SH3D21: variants seen among roughly 807,000 people sequenced by gnomAD.
The protein encoded by SH3D21 is SH3 domain-containing protein 21.
In SH3D21, 83 loss-of-function variants were observed where a neutral mutation model predicts 82.1. The ratio of observed to expected loss-of-function variants is 1.01; its 90% CI spans 0.85 to 1.21. SH3D21 has a LOEUF of 1.21. Among genes scored for constraint, SH3D21 ranks in the 50% most tolerant of loss-of-function variants. SH3D21 has a pLI of 0.00. For missense variants in SH3D21, 980 were observed against 962.1 expected (o/e 1.02, Z -0.25); for synonymous variants, 383 against 387.8 (o/e 0.99, Z 0.15).
At chr1:36,321,757 A>C, downstream of SH3D21, 1 of 1,002,518 alleles carries the variant, frequency 1.0e-6, no homozygotes, top group Non-Finnish European at 1.2e-6. The surrounding 1 kb of genome is among the most constrained non-coding windows in gnomAD (Gnocchi z 6.1). Context: ...GGACAGGGCG[A>C]CGTGTGTCCA....
rs768240624 is a variant in SH3D21, at chr1:36,319,082, G to C, written c.781G>C (p.Glu261Gln). 4.5e-6 allele frequency: 7 copies of C among 1,548,728 alleles called. No individual in the cohort carries two copies. Among genetic ancestry groups the C allele is most frequent in the South Asian group, 1.2e-5 (1 of 83,986 alleles). The part of the protein sequence containing the change: ...VVSRESAPIK[E>Q]PKKLMPKTSL... ...TCCTCTCTTCCCAGCTCCTATTAAG[G>C]AACCAAAAAAGTTGATGCCCAAAAC... Residue 261 changes from glutamate to glutamine, a missense_variant, in exon 11 of 16, where the codon GAA becomes CAA. Physicochemically the swap from Glu to Gln is conservative, Grantham distance 29. Transcript: ENST00000453908.
chr1:36,317,924 C>T (rs1646372042), intron 10 of SH3D21, among the ~76,000 whole-genome samples: 1 of 152,162 alleles, frequency 6.6e-6, no homozygotes, highest in South Asian at 2.1e-4. Context: ...GTATTTTACT[C>T]CTTGTATTTA....
In SH3D21 at chr1:36,307,117, C is replaced by T. The variant is rs1407735566; in HGVS notation, c.227-50C>T. On this transcript the variant is annotated intron_variant, in intron 3 of 15. Transcript: ENST00000453908. The surrounding 1 kb of genome is among the most constrained non-coding windows in gnomAD (Gnocchi z 5.4). ...GCGCGCCTTGCGCTTCCCCCAGCTC[C>T]TCTGACTGGGGCGTCCGACTGGAGC... The T allele has an allele frequency of 3.2e-6, 5 of 1,548,702 alleles. No homozygotes were observed. In the Admixed American group the frequency reaches 5.9e-5, roughly 18 times the overall value.
At chr1:36,313,967 A>ATTTTTTTTTTTTTTT (rs1207014644) in intron 10 of SH3D21, among the ~76,000 whole-genome samples, 12 of 36,876 alleles carry the variant, frequency 3.3e-4, no homozygotes, top group Non-Finnish European at 4.4e-4. Context: ...TGCTGAACAT[A>ATTTTTTTTTTTTTTT]TTTTCTTTTT....
At chr1:36,314,848 A>G (rs1023728811) in intron 10 of SH3D21, among the ~76,000 whole-genome samples, 6 of 152,182 alleles carry the variant, frequency 3.9e-5, no homozygotes, top group East Asian at 1.9e-4. Context: ...ACCAATGTCA[A>G]ATCCCAAGAT....
downstream of SH3D21, chr1:36,324,048 C>G (rs527957597): frequency 6.6e-6 from 1 of 152,276 alleles, no homozygotes; most frequent in Non-Finnish European, 1.5e-5. Flanking sequence ...CACCGCTCCC[C>G]CTCCTAGGAG....
At chr1:36,323,858 C>A (rs1037486070), downstream of SH3D21, 1 of 152,240 alleles carries the variant, frequency 6.6e-6, no homozygotes, top group Non-Finnish European at 1.5e-5. Flanking sequence ...GCGTGCGGGC[C>A]AAGGGCTAAA....
downstream of SH3D21, chr1:36,324,761 C>A (rs1039484809): frequency 1.1e-4 from 17 of 152,170 alleles, no homozygotes; most frequent in African/African-American, 4.1e-4. Context: ...TTAGTGTGTT[C>A]TGTGAATGTG....
At chr1:36,316,937 A>G (rs1016448543) in intron 10 of SH3D21, among the ~76,000 whole-genome samples, 1 of 152,008 alleles carries the variant, frequency 6.6e-6, no homozygotes, top group Non-Finnish European at 1.5e-5. Context: ...AGCCACTGGG[A>G]GTGCTGGGAT....
intron 7 of SH3D21, 64 bp downstream of exon 7, chr1:36,308,027 C>T (rs1646164213): frequency 6.5e-7 from 1 of 1,549,776 alleles, no homozygotes; most frequent in East Asian, 2.4e-5. Context: ...ACTTGGTGGG[C>T]CAGCTAGGCT....
Position 36,321,166 on chromosome 1 carries a change from G to T in SH3D21, c.*39G>T. ...AAGGGACCGCGGCCTGACCTGGCTGGGGCCACCCACGTCCTTGCACACGAC... is the reference window on the plus strand; with the variant it reads ...AAGGGACCGCGGCCTGACCTGGCTGTGGCCACCCACGTCCTTGCACACGAC... On this transcript the variant is annotated 3_prime_UTR_variant, in exon 16 of 16. Transcript: ENST00000453908. This position sits in a 1 kb window ranked among gnomAD's most constrained non-coding sequence, Gnocchi z 6.1. 6.3e-7 allele frequency: 1 copy of T among 1,598,372 alleles called. No homozygotes were observed. The highest frequency in any genetic ancestry group is 2.3e-5 in the East Asian group (1 of 44,266).
At chr1:36,326,934 G>A (rs561712605), downstream of SH3D21, among the ~76,000 whole-genome samples, 7 of 152,324 alleles carry the variant, frequency 4.6e-5, no homozygotes, top group African/African-American at 1.4e-4. Flanking sequence ...AGGTGCAGGT[G>A]TTGGCAATGC....
chr1:36,308,045 G>C lies in SH3D21; in HGVS notation c.539-64G>C, dbSNP rs1646164474. On this transcript the variant is annotated intron_variant, in intron 7 of 15. Coordinates refer to ENST00000453908, the MANE Select transcript of SH3D21 (RefSeq NM_001162530.2). ...TGGTGGGCCAGCTAGGCTGATGGAG[G>C]TGGGGGCTGCTGATGGATGGGGGAG... 1.9e-6 allele frequency: 3 copies of C among 1,548,998 alleles called. 1 individual carries two copies. Among genetic ancestry groups the C allele is most frequent in the South Asian group, 2.4e-5 (2 of 83,992 alleles).
At position 36,308,455 on chromosome 1, in the gene SH3D21, T is replaced by C. The variant is rs1394517547; in HGVS notation, c.706T>C (p.Phe236Leu). ...ACGAAGAGGAGTTTTTCCAGACAAC[T>C]TTGTACTCCCACCACCCCCAGTGAG... The part of the protein sequence containing the change: ...QGRRGVFPDN[F>L]VLPPPPIKKL... The change falls in exon 9 of 16, where the codon TTT becomes CTT. Residue 236 changes from phenylalanine to leucine, a missense_variant. Phe to Leu is a conservative substitution (Grantham distance 22). Coordinates refer to ENST00000453908, the MANE Select transcript of SH3D21 (RefSeq NM_001162530.2). The C allele has an allele frequency of 6.4e-7, 1 of 1,551,550 alleles. No homozygotes were observed. The highest frequency in any genetic ancestry group is 2.0e-5 in the Admixed American group (1 of 50,964).
intron 10 of SH3D21, 115 bp from the exon 11 acceptor site, chr1:36,318,956 G>A (rs893439797): frequency 3.9e-6 from 2 of 512,776 alleles, no homozygotes; most frequent in African/African-American, 2.0e-5. Flanking sequence ...AATTAGCCGG[G>A]TGCAGTGGCG....
At chr1:36,323,012 T>TC, downstream of SH3D21, 1 of 1,599,378 alleles carries the variant, frequency 6.3e-7, no homozygotes, top group Non-Finnish European at 8.5e-7. Context: ...GCTGAGCAAC[T>TC]CCATGTCCCT....
Position 36,319,993 on chromosome 1 carries a change from C to T in SH3D21, c.1330C>T (p.Pro444Ser). 1.2e-6 allele frequency: 2 copies of T among 1,614,108 alleles called. No homozygotes were observed. Among genetic ancestry groups the T allele is most frequent in the South Asian group, 1.1e-5 (1 of 91,076 alleles). The change falls in exon 14 of 16, where the codon CCC becomes TCC. Residue 444 changes from proline (P) to serine (S), a missense_variant. By Grantham distance (74) the Pro-to-Ser change is moderately conservative (BLOSUM62 -1). Coordinates refer to ENST00000453908, the MANE Select transcript of SH3D21 (RefSeq NM_001162530.2). The stretch of plus-strand genomic sequence containing the variant: ...AGAGGAGACCCTGACTGTGGACAAA[C>T]CCTCCACTCCAGAGAGGGTCTTTTC... Reference protein sequence around the residue: ...IPEETLTVDKPSTPERVFSVE... With the variant: ...IPEETLTVDKSSTPERVFSVE...
chr1:36,321,474 T>C, downstream of SH3D21: 1 of 952,764 alleles, frequency 1.0e-6, no homozygotes, highest in Non-Finnish European at 1.3e-6. This position sits in a 1 kb window ranked among gnomAD's most constrained non-coding sequence, Gnocchi z 6.1. Flanking sequence ...GTCGGGCTCT[T>C]GACGCCCGGC....
In SH3D21 at chr1:36,319,761, A is replaced by G; in HGVS notation, c.1098A>G (p.Pro366=). 1 of 1,608,414 alleles carries G rather than the reference A, an allele frequency of 6.2e-7. No homozygotes were observed. Among genetic ancestry groups the G allele is most frequent in the South Asian group, 1.1e-5 (1 of 90,444 alleles). Residue 366 remains proline (P), a synonymous_variant, in exon 14 of 16, where the codon CCA becomes CCG. Coordinates refer to ENST00000453908, the MANE Select transcript of SH3D21 (RefSeq NM_001162530.2). The stretch of plus-strand genomic sequence containing the variant: ...AGACTGCCACCCCAGAGAGGCCCCC[A>G]GCTCCAGAGAACGCCCCCAGCTCCA... ...PDKTATPERP[P]APENAPSSKK...
Sources: allele counts gnomAD v4.1 joint callset (sites outside exome capture counted in the v4.1 genomes callset), GRCh38; gene constraint gnomAD v4.1.1; non-coding constraint Gnocchi (gnomAD v3.1); transcripts MANE v1.5; gene names NCBI Gene and HGNC (gene_info 2026-07-23, HGNC 2026-07-21).